Variants in RGS5 observed in about 807,000 individuals in gnomAD.
RGS5 encodes regulator of G-protein signalling 5.
Under a neutral mutation model 18.9 loss-of-function variants are expected in RGS5, and 20 were observed. The ratio of observed to expected loss-of-function variants is 1.06; its 90% CI spans 0.74 to 1.54. The LOEUF (loss-of-function observed/expected upper bound fraction) is 1.54, where lower values mean the gene tolerates loss of function less well. Among genes scored for constraint, RGS5 ranks in the 40% most tolerant of loss-of-function variants. RGS5 has a pLI of 0.00. For missense variants in RGS5, 201 were observed against 211.8 expected, an observed-to-expected ratio of 0.95 and a Z score of 0.32; for synonymous variants, 57 against 76.2, an observed-to-expected ratio of 0.75 and a Z score of 1.31.
At chr1:163,319,588 C>G (rs1264743972) in intron 1 of RGS5, among the ~76,000 whole-genome samples, 1 of 152,114 alleles carries the variant, frequency 6.6e-6, no homozygotes, top group African/African-American at 2.4e-5. Context: ...GTCATTTTCT[C>G]CAGTGTTTCC....
At chr1:163,154,251 C>T (rs966714996) in intron 3 of RGS5, among the ~76,000 whole-genome samples, 1 of 152,060 alleles carries the variant, frequency 6.6e-6, no homozygotes, top group Non-Finnish European at 1.5e-5. Flanking sequence ...AAGCATAAAA[C>T]GTATGCAATG....
At chr1:163,175,227 G>A (rs560003013) in intron 1 of RGS5, among the ~76,000 whole-genome samples, 14 of 152,204 alleles carry the variant, frequency 9.2e-5, no homozygotes, top group Non-Finnish European at 1.8e-4. Flanking sequence ...GGAGAGAGGA[G>A]CTCCTCTGAG....
intron 1 of RGS5, among the ~76,000 whole-genome samples, chr1:163,214,015 T>G (rs2101673344): frequency 6.6e-6 from 1 of 152,244 alleles, no homozygotes; most frequent in Non-Finnish European, 1.5e-5. Context: ...ATCAGATAAT[T>G]AATCGATTGA....
rs201799919 is a variant in RGS5 at position 163,253,741 on chromosome 1, C to A, written c.-281+52492G>T. ...TGTATACATGTGCCATGTTGGTGTGCTGCACCCATTAACTCGTCATTTAGC... is the reference window on the plus strand; with the variant it reads ...TGTATACATGTGCCATGTTGGTGTGATGCACCCATTAACTCGTCATTTAGC... On this transcript the variant is annotated intron_variant, in intron 2 of 5. Coordinates refer to the RGS5 transcript ENST00000618415. 1.1e-4 allele frequency among the ~76,000 whole-genome samples: 17 copies of A among 151,656 alleles called. No homozygotes were observed. The East Asian group carries it at 3.3e-3, about 29-fold the overall frequency.
chr1:163,185,049 T>C (rs1460454430), intron 1 of RGS5, among the ~76,000 whole-genome samples: 1 of 152,230 alleles, frequency 6.6e-6, no homozygotes, highest in African/African-American at 2.4e-5. Flanking sequence ...TTTCAGTTAA[T>C]AGATAATCCT....
At chr1:163,228,311 C>T (rs978349350) in intron 2 of RGS5, among the ~76,000 whole-genome samples, 6 of 152,236 alleles carry the variant, frequency 3.9e-5, no homozygotes, top group Non-Finnish European at 1.5e-5. Flanking sequence ...TCCCAAACCT[C>T]AATTCTTGAC....
At chr1:163,258,618 A>C (rs1182661920) in intron 2 of RGS5, among the ~76,000 whole-genome samples, 1 of 151,990 alleles carries the variant, frequency 6.6e-6, no homozygotes, top group Non-Finnish European at 1.5e-5. Flanking sequence ...CCTTGTCTTC[A>C]AGAGGAAAAT....
chr1:163,311,488 T>C (rs145122067), intron 1 of RGS5, among the ~76,000 whole-genome samples: 1 of 152,324 alleles, frequency 6.6e-6, no homozygotes, highest in African/African-American at 2.4e-5. Context: ...AGTTTAATCA[T>C]TTCTAGTTTT....
At chr1:163,229,512 G>C (rs941094538) in intron 2 of RGS5, among the ~76,000 whole-genome samples, 10 of 152,182 alleles carry the variant, frequency 6.6e-5, no homozygotes, top group Non-Finnish European at 1.5e-4. Context: ...AACATTAAAA[G>C]TCTCAAGACT....
chr1:163,164,112 G>A (rs1275092575), intron 2 of RGS5, among the ~76,000 whole-genome samples: 1 of 152,168 alleles, frequency 6.6e-6, no homozygotes, highest in South Asian at 2.1e-4. Context: ...GCACAGTCAA[G>A]TAGGATACAT....
intron 2 of RGS5, among the ~76,000 whole-genome samples, chr1:163,278,896 G>C (rs1648925204): frequency 6.6e-6 from 1 of 151,956 alleles, no homozygotes; most frequent in African/African-American, 2.4e-5. Flanking sequence ...CCCAGGAGTG[G>C]CCATACTTAT....
intron 2 of RGS5, among the ~76,000 whole-genome samples, chr1:163,224,352 G>T (rs975205493): frequency 3.9e-5 from 6 of 151,998 alleles, no homozygotes; most frequent in African/African-American, 1.5e-4. Context: ...TGTCCTCTAT[G>T]TTCATCCATG....
At chr1:163,211,219 G>A (rs1344806612) in intron 1 of RGS5, 1 of 152,084 alleles carries the variant, frequency 6.6e-6, no homozygotes, top group African/African-American at 2.4e-5. Flanking sequence ...TTTTTCAGGA[G>A]GTTAAGGGTG....
intron 2 of RGS5, among the ~76,000 whole-genome samples, chr1:163,298,212 TAGAGA>T (rs1420331232): frequency 6.6e-6 from 1 of 152,120 alleles, no homozygotes; most frequent in Non-Finnish European, 1.5e-5. Context: ...TTTGGAGTGA[TAGAGA>T]AGACATATGC....
upstream of RGS5, among the ~76,000 whole-genome samples, chr1:163,222,275 G>C (rs1452680591): frequency 6.6e-6 from 1 of 152,016 alleles, no homozygotes; most frequent in African/African-American, 2.4e-5. Context: ...ATTCTCATAG[G>C]AGCATGAACT....
chr1:163,236,095 A>G (rs978982343), intron 2 of RGS5, among the ~76,000 whole-genome samples: 3 of 152,202 alleles, frequency 2.0e-5, no homozygotes, highest in Non-Finnish European at 4.4e-5. Context: ...TCATCTTCCA[A>G]TCTAGCATAA....
intron 4 of RGS5, among the ~76,000 whole-genome samples, chr1:163,148,880 G>A (rs1472862198): frequency 6.6e-6 from 1 of 152,216 alleles, no homozygotes; most frequent in South Asian, 2.1e-4. Context: ...ATCAGCCTAT[G>A]GTTGTGAATT....
intron 2 of RGS5, among the ~76,000 whole-genome samples, chr1:163,279,423 T>C (rs924240287): frequency 6.6e-5 from 10 of 151,822 alleles, no homozygotes; most frequent in East Asian, 3.8e-4. Flanking sequence ...TGAACAACAA[T>C]TGAGTCAATT....
At chr1:163,239,492 A>G (rs1250949633) in intron 2 of RGS5, among the ~76,000 whole-genome samples, 3 of 151,900 alleles carry the variant, frequency 2.0e-5, no homozygotes, top group Non-Finnish European at 4.4e-5. Flanking sequence ...TCTCTTAAAA[A>G]AAAAAAAAAA....
Sources: gnomAD v4.1 joint callset for allele counts (sites outside exome capture counted in the v4.1 genomes callset) on GRCh38, gnomAD v4.1.1 for gene constraint, MANE v1.5 for transcripts, NCBI Gene and HGNC (gene_info 2026-07-23, HGNC 2026-07-21) for gene names.